The following DLG2 variants were observed in gnomAD, a reference collection of about 807,000 sequenced individuals.
The protein encoded by DLG2 is discs large MAGUK scaffold protein 2, also known as disks large homolog 2.
In DLG2, 45 loss-of-function variants were observed where a neutral mutation model predicts 132.5. The observed-to-expected ratio is 0.34, with a 90% confidence interval of 0.27 to 0.44. The LOEUF (loss-of-function observed/expected upper bound fraction) is 0.44. Among genes scored for constraint, DLG2 ranks in the 20% least tolerant of loss-of-function variants. DLG2 has a pLI of 1.00. For synonymous variants in DLG2, 424 were observed against 419.6 expected (o/e 1.01, Z -0.13); for missense variants, 1,045 against 1,196.9 (o/e 0.87, Z 1.87).
intron 12 of DLG2, among the ~76,000 whole-genome samples, chr11:83,978,102 T>C (rs1403326765): frequency 6.6e-6 from 1 of 151,910 alleles, no homozygotes. Context: ...CTACGATGAA[T>C]ATCAACAAAA....
chr11:84,122,830 C>T (rs1211891853), intron 9 of DLG2, among the ~76,000 whole-genome samples: 1 of 152,026 alleles, frequency 6.6e-6, no homozygotes, highest in Non-Finnish European at 1.5e-5. Context: ...ATATAACACA[C>T]ACACATAGAC....
chr11:85,006,818 T>G (rs1029424509), intron 6 of DLG2, among the ~76,000 whole-genome samples: 3 of 152,106 alleles, frequency 2.0e-5, no homozygotes, highest in African/African-American at 7.2e-5. Context: ...TTAATTGTGA[T>G]GTTAGGGTGT....
intron 6 of DLG2, among the ~76,000 whole-genome samples, chr11:84,608,169 C>T (rs2099589098): frequency 6.6e-6 from 1 of 152,172 alleles, no homozygotes; most frequent in South Asian, 2.1e-4. Flanking sequence ...ATACACAGAG[C>T]ACCTAGCAAA....
chr11:85,511,545 T>C (rs2153158484), intron 3 of DLG2, among the ~76,000 whole-genome samples: 1 of 151,966 alleles, frequency 6.6e-6, no homozygotes, highest in East Asian at 1.9e-4. Flanking sequence ...AGACTGAACA[T>C]CCCATTACTG....
At position 84,524,851 on chromosome 11, in the gene DLG2, T is replaced by A. The variant is rs890261640; in HGVS notation, c.519+9719A>T. On this transcript the variant is annotated intron_variant, in intron 7 of 27. Coordinates refer to ENST00000376104, the MANE Select transcript of DLG2 (RefSeq NM_001142699.3). ...TCAAATGTAACTCATAGGGTATTTCTTTTTTTTTTTTTTTTAAATTAATCA... is the reference window on the plus strand; with the variant it reads ...TCAAATGTAACTCATAGGGTATTTCATTTTTTTTTTTTTTTAAATTAATCA... Among the ~76,000 whole-genome samples, 699 of 121,306 alleles carry A rather than the reference T, an allele frequency of 5.8e-3. 3 individuals are homozygous for A. Among genetic ancestry groups the A allele is most frequent in the African/African-American group, 0.019 (651 of 35,114 alleles). The allele number at this position is 121,306 out of a possible 152,430, so 79.6% of individuals were successfully genotyped here. A position where few individuals can be genotyped will look rare whatever the true frequency, so the allele number is the denominator to read the frequency against.
rs961597338 is a variant in DLG2, at chr11:85,519,258, A to G, written c.40+79399T>C. 7.9e-5 allele frequency among the ~76,000 whole-genome samples: 12 copies of G among 152,210 alleles called. No homozygotes were observed. In the South Asian group the frequency reaches 1.0e-3, roughly 13 times the overall value. The stretch of plus-strand genomic sequence containing the variant: ...ACCTGGAAAAGCTGCAGACAGTGCC[A>G]GCCTGTGAAATTAGCCAGGATGGAG... On this transcript the variant is annotated intron_variant, in intron 3 of 27. Transcript: ENST00000376104.
chr11:83,568,701 T>A (rs2096749302), intron 19 of DLG2, among the ~76,000 whole-genome samples: 1 of 152,122 alleles, frequency 6.6e-6, no homozygotes, highest in African/African-American at 2.4e-5. Flanking sequence ...CATAATGTGA[T>A]AATGGTCAGT....
intron 7 of DLG2, among the ~76,000 whole-genome samples, chr11:84,254,590 T>G (rs556140220): frequency 6.6e-6 from 1 of 152,348 alleles, no homozygotes; most frequent in Admixed American, 6.5e-5. Context: ...CAAAATCTCA[T>G]GATACCAAGA....
chr11:85,235,358 T>C (rs1179507243), intron 4 of DLG2, among the ~76,000 whole-genome samples: 1 of 151,980 alleles, frequency 6.6e-6, no homozygotes. Context: ...TGTCCTTTCA[T>C]CCATCCTTTC....
intron 6 of DLG2, among the ~76,000 whole-genome samples, chr11:84,860,603 T>G (rs2083469605): frequency 6.6e-6 from 1 of 152,120 alleles, no homozygotes; most frequent in South Asian, 2.1e-4. Context: ...GTAAAGAAAT[T>G]CATCTGATGA....
intron 7 of DLG2, among the ~76,000 whole-genome samples, chr11:84,257,817 G>T (rs1036790947): frequency 6.6e-6 from 1 of 151,132 alleles, no homozygotes; most frequent in Admixed American, 6.6e-5. Flanking sequence ...CTCCCAAGTA[G>T]CTGGGACTGC....
chr11:84,659,867 G>C (rs1254597650), intron 6 of DLG2, among the ~76,000 whole-genome samples: 1 of 152,022 alleles, frequency 6.6e-6, no homozygotes, highest in Non-Finnish European at 1.5e-5. Context: ...GTTTATTAAA[G>C]GAAAAAAATA....
chr11:84,977,457 G>T (rs570987538), intron 6 of DLG2, among the ~76,000 whole-genome samples: 1 of 152,080 alleles, frequency 6.6e-6, no homozygotes, highest in Non-Finnish European at 1.5e-5. Flanking sequence ...GTGAGATGAA[G>T]ATTTTTCTTA....
intron 7 of DLG2, among the ~76,000 whole-genome samples, chr11:84,324,252 T>G (rs1212677463): frequency 6.6e-6 from 1 of 152,108 alleles, no homozygotes; most frequent in African/African-American, 2.4e-5. Context: ...TATAAGATAA[T>G]TTAATTCTTT....
chr11:85,423,113 T>C (rs2090448148), intron 3 of DLG2, among the ~76,000 whole-genome samples: 1 of 152,164 alleles, frequency 6.6e-6, no homozygotes, highest in African/African-American at 2.4e-5. Context: ...GTTGTTCAGA[T>C]TCTTTTGTCC....
intron 6 of DLG2, among the ~76,000 whole-genome samples, chr11:84,572,090 T>G (rs1478252212): frequency 6.6e-6 from 1 of 152,032 alleles, no homozygotes; most frequent in Non-Finnish European, 1.5e-5. Context: ...TATTATACTT[T>G]AAGTTTTAGG....
At chr11:83,767,722 C>A (rs142371699) in intron 18 of DLG2, among the ~76,000 whole-genome samples, 176 of 152,166 alleles carry the variant, frequency 1.2e-3, no homozygotes, top group African/African-American at 3.9e-3. Flanking sequence ...AGAACCCTAT[C>A]TGATATACAG....
intron 18 of DLG2, among the ~76,000 whole-genome samples, chr11:83,676,700 C>T (rs538453075): frequency 1.3e-5 from 2 of 152,294 alleles, no homozygotes; most frequent in South Asian, 4.1e-4. Flanking sequence ...TCCAACAATG[C>T]ATTCTGCCTT....
intron 6 of DLG2, among the ~76,000 whole-genome samples, chr11:84,943,493 T>A (rs1224040302): frequency 1.3e-5 from 2 of 152,042 alleles, no homozygotes; most frequent in South Asian, 2.1e-4. Context: ...ATTTTGTGTA[T>A]CTGTTGTAGG....
Sources: allele counts gnomAD v4.1 joint callset (sites outside exome capture counted in the v4.1 genomes callset), GRCh38; gene constraint gnomAD v4.1.1; transcripts MANE v1.5; gene names NCBI Gene and HGNC (gene_info 2026-07-23, HGNC 2026-07-21).